The following CCSER2 variants were observed in gnomAD, a reference collection of about 807,000 sequenced individuals.
CCSER2 encodes the protein coiled-coil serine rich protein 2.
A neutral mutation model predicts 92.3 loss-of-function variants in CCSER2; 46 were observed. The observed-to-expected ratio is 0.50, with a 90% confidence interval of 0.39 to 0.64. The LOEUF is 0.64. Ranked by LOEUF, CCSER2 falls within the 30% of genes least tolerant of loss-of-function variation. CCSER2 has a pLI of 0.00. For missense variants in CCSER2, 1,244 were observed against 1,238.9 expected (o/e 1.00, Z -0.06); for synonymous variants, 433 against 431.4 (o/e 1.00, Z -0.04).
At chr10:84,482,757 C>G (rs1008111358) in intron 9 of CCSER2, among the ~76,000 whole-genome samples, 1 of 152,076 alleles carries the variant, frequency 6.6e-6, no homozygotes, top group Non-Finnish European at 1.5e-5. Context: ...CAGGTTAGAC[C>G]CAAAGGATCT....
intron 1 of CCSER2, among the ~76,000 whole-genome samples, chr10:84,366,029 G>C (rs1845758593): frequency 6.6e-6 from 1 of 152,114 alleles, no homozygotes; most frequent in Admixed American, 6.5e-5. Flanking sequence ...CTCTGCTCCT[G>C]GCAAACATTG....
At chr10:84,381,459 T>C (rs904409820) in intron 3 of CCSER2, among the ~76,000 whole-genome samples, 8 of 152,180 alleles carry the variant, frequency 5.3e-5, no homozygotes, top group Non-Finnish European at 1.2e-4. Context: ...ATAAAACTTT[T>C]CATAAATGAT....
intron 1 of CCSER2, among the ~76,000 whole-genome samples, chr10:84,353,563 C>A (rs1844986779): frequency 6.6e-6 from 1 of 152,184 alleles, no homozygotes; most frequent in Admixed American, 6.5e-5. Context: ...TCCTGCAGCC[C>A]CATTCAGCTG....
At chr10:84,330,366 C>G (rs1217304045) in intron 1 of CCSER2, among the ~76,000 whole-genome samples, 1 of 152,178 alleles carries the variant, frequency 6.6e-6, no homozygotes, top group East Asian at 1.9e-4. Flanking sequence ...ACAACTTGCC[C>G]TTGAAGACCT....
At chr10:84,499,013 C>T (rs1219566004) in intron 9 of CCSER2, among the ~76,000 whole-genome samples, 2 of 152,170 alleles carry the variant, frequency 1.3e-5, no homozygotes, top group Admixed American at 6.5e-5. Flanking sequence ...TCCACGTAAC[C>T]AGTGGCCTAC....
At position 84,434,073 on chromosome 10, in the gene CCSER2, A is replaced by C. The variant is rs139526886; in HGVS notation, c.1869-4439A>C. 1.0e-3 allele frequency among the ~76,000 whole-genome samples: 159 copies of C among 152,304 alleles called. 1 individual carries two copies. Among genetic ancestry groups the C allele is most frequent in the African/African-American group, 3.5e-3 (144 of 41,564 alleles). ...TTTCTGTTAGAAATTCATGAATGTT[A>C]AAATTTATACAGAGGTACAAATGTA... On this transcript the variant is annotated intron_variant, in intron 5 of 9. Transcript: ENST00000372088.
chr10:84,392,119 C>G (rs905844564), intron 3 of CCSER2: 2 of 683,164 alleles, frequency 2.9e-6, no homozygotes, highest in Admixed American at 2.2e-5. Context: ...CCTCTGCACC[C>G]AGGGAAAATA....
chr10:84,495,323 C>T (rs1848390697), intron 9 of CCSER2, among the ~76,000 whole-genome samples: 1 of 152,114 alleles, frequency 6.6e-6, no homozygotes, highest in Non-Finnish European at 1.5e-5. Context: ...TCAGAGAACA[C>T]ATTCTGTATA....
chr10:84,408,676 A>G (rs1321819830), intron 3 of CCSER2, among the ~76,000 whole-genome samples: 1 of 152,208 alleles, frequency 6.6e-6, no homozygotes, highest in East Asian at 1.9e-4. Flanking sequence ...CATCTTTTTA[A>G]CAGTGGTGAC....
intron 7 of CCSER2, among the ~76,000 whole-genome samples, 174 bp from the exon 8 acceptor site, chr10:84,470,198 C>T (rs566082297): frequency 6.6e-6 from 1 of 151,842 alleles, no homozygotes; most frequent in East Asian, 1.9e-4. Flanking sequence ...TACTATTGCT[C>T]ATTGTCAACA....
intron 1 of CCSER2, among the ~76,000 whole-genome samples, chr10:84,360,002 T>TG (rs1420236573): frequency 4.6e-5 from 7 of 151,948 alleles, no homozygotes; most frequent in Admixed American, 4.6e-4. Flanking sequence ...TTAGTAGAGA[T>TG]GGGGTTTCAC....
chr10:84,499,875 G>A (rs1337858094), intron 9 of CCSER2: 1 of 1,613,870 alleles, frequency 6.2e-7, no homozygotes, highest in Non-Finnish European at 8.5e-7. Context: ...CTCTGCACAG[G>A]GTGGGTATTC....
intron 5 of CCSER2, among the ~76,000 whole-genome samples, chr10:84,435,638 C>CAAAAA (rs5786657): frequency 5.6e-5 from 6 of 106,826 alleles, no homozygotes; most frequent in African/African-American, 1.2e-4. Flanking sequence ...CCATTCAGTG[C>CAAAAA]AAAAAAAAAA....
intron 5 of CCSER2, among the ~76,000 whole-genome samples, chr10:84,430,802 C>A (rs965179403): frequency 6.6e-6 from 1 of 152,314 alleles, no homozygotes; most frequent in Admixed American, 6.5e-5. Flanking sequence ...TTGTTGCAAG[C>A]ATTTGGCTGA....
At chr10:84,412,813 C>G (rs890312595) in intron 3 of CCSER2, among the ~76,000 whole-genome samples, 1 of 152,166 alleles carries the variant, frequency 6.6e-6, no homozygotes, top group Admixed American at 6.5e-5. Flanking sequence ...GCCAGCAAGT[C>G]TAGCAGACAT....
chr10:84,440,327 G>A (rs4934014), intron 6 of CCSER2, among the ~76,000 whole-genome samples: 1 of 151,784 alleles, frequency 6.6e-6, no homozygotes, highest in East Asian at 1.9e-4. Context: ...CAAAATCTTT[G>A]TAGGTCATCT....
intron 6 of CCSER2, among the ~76,000 whole-genome samples, chr10:84,449,783 G>T (rs1024516786): frequency 6.6e-6 from 1 of 152,108 alleles, no homozygotes; most frequent in African/African-American, 2.4e-5. Flanking sequence ...GGAGGCAGAG[G>T]TTGCGGTGAG....
intron 3 of CCSER2, among the ~76,000 whole-genome samples, chr10:84,414,092 A>G (rs764252105): frequency 6.6e-6 from 1 of 152,102 alleles, no homozygotes; most frequent in African/African-American, 2.4e-5. Flanking sequence ...GATCTTGGCT[A>G]ATTATTTAGC....
chr10:84,368,181 C>G (rs1440177785), intron 1 of CCSER2, among the ~76,000 whole-genome samples: 1 of 152,056 alleles, frequency 6.6e-6, no homozygotes, highest in African/African-American at 2.4e-5. Flanking sequence ...CAAATTTTTT[C>G]TATCCAAACT....
Sources: gnomAD v4.1 joint callset for allele counts (sites outside exome capture counted in the v4.1 genomes callset) on GRCh38, gnomAD v4.1.1 for gene constraint, MANE v1.5 for transcripts, NCBI Gene and HGNC (gene_info 2026-07-23, HGNC 2026-07-21) for gene names.